The following TRMT1 variants were observed in gnomAD, a reference collection of about 807,000 sequenced individuals.
TRMT1 encodes the protein tRNA methyltransferase 1.
A neutral mutation model predicts 75.4 loss-of-function variants in TRMT1; 63 were observed. That is an observed-to-expected ratio of 0.84 (90% CI 0.68 to 1.03). TRMT1 has a LOEUF of 1.03. TRMT1 is among the 50% of genes least tolerant of loss of function. TRMT1 has a pLI of 0.00. For missense variants in TRMT1, 870 were observed against 905.3 expected, an observed-to-expected ratio of 0.96 and a Z score of 0.50; for synonymous variants, 382 against 358.1, an observed-to-expected ratio of 1.07 and a Z score of -0.75.
Position 13,116,278 on chromosome 19 carries a change from G to C in TRMT1, c.122C>G (p.Thr41Ser). 6.2e-7 allele frequency: 1 copy of C among 1,614,168 alleles called. No individual in the cohort carries two copies. The highest frequency in any genetic ancestry group is 1.1e-5 in the South Asian group (1 of 91,080). The change falls in exon 2 of 17, where the codon ACC (threonine) becomes AGC (serine). Residue 41 changes from threonine to serine, a missense_variant. Thr to Ser is a moderately conservative substitution (Grantham distance 58). Coordinates refer to ENST00000357720, the MANE Select transcript of TRMT1 (RefSeq NM_001136035.4). The stretch of plus-strand genomic sequence containing the variant: ...TGGACGTTCTTCTCCGTAGGGCCCG[G>C]TGCCGTTCTCCATCGCTGCTGTATT... ...LPNTAAMENG[T>S]GPYGEERPRE...
chr19:13,105,442 C>CT, intron 15 of TRMT1, 45 bp downstream of exon 15: 1 of 1,613,910 alleles, frequency 6.2e-7, no homozygotes. Context: ...CCCTTTACCC[C>CT]TTCTTTCCCT....
At chr19:13,116,458 A>T in intron 1 of TRMT1, 27 bp from the exon 2 acceptor site, 2 of 1,544,248 alleles carry the variant, frequency 1.3e-6, no homozygotes, top group Non-Finnish European at 1.7e-6. Context: ...GGGAGGGCAC[A>T]GAGAGGGTCA....
Position 13,110,317 on chromosome 19 carries a change from G to A in TRMT1, c.871-11C>T, listed in dbSNP as rs764060702. Reference sequence around the variant, plus strand: ...GACGATTCTCAGGGCCTGGGGGTGGGGGGTGGGTGTCAGCCTCCCCTCCAC... The same window carrying A: ...GACGATTCTCAGGGCCTGGGGGTGGAGGGTGGGTGTCAGCCTCCCCTCCAC... On this transcript the variant is annotated splice_polypyrimidine_tract_variant and intron_variant, in intron 7 of 16. Coordinates refer to ENST00000357720, the MANE Select transcript of TRMT1 (RefSeq NM_001136035.4). 4 of 807,970 alleles carry A rather than the reference G, an allele frequency of 5.0e-6. No homozygotes were observed. The East Asian group carries it at 1.1e-4, about 22-fold the overall frequency. The allele number at this position is 807,970 out of a possible 1,614,324, so 50.1% of individuals were successfully genotyped here. A position where few individuals can be genotyped will look rare whatever the true frequency, so the allele number is the denominator to read the frequency against.
rs866460103 is a variant in TRMT1, at chr19:13,112,833, G to A, written c.758-16C>T. ...CACAGCAACCCTGCAGAGAGGGGCT[G>A]GGCAGTGAGAACCCTCCAACACCCC... On this transcript the variant is annotated splice_polypyrimidine_tract_variant and intron_variant, in intron 6 of 16. Transcript: ENST00000357720. The A allele has an allele frequency of 1.9e-6, 3 of 1,614,046 alleles. No individual in the cohort carries two copies. Among genetic ancestry groups the A allele is most frequent in the East Asian group, 2.2e-5 (1 of 44,894 alleles).
chr19:13,105,762 TAA>T (rs2018840254), intron 14 of TRMT1, among the ~76,000 whole-genome samples, 156 bp from the exon 15 acceptor site: 1 of 152,156 alleles, frequency 6.6e-6, no homozygotes, highest in Non-Finnish European at 1.5e-5. Flanking sequence ...TTGGTTTTTT[TAA>T]AGAGATGGGG....
Position 13,109,773 on chromosome 19 carries a change from T to C in TRMT1, c.1172A>G (p.His391Arg). The C allele has an allele frequency of 6.2e-7, 1 of 1,614,060 alleles. No homozygotes were observed. The highest frequency in any genetic ancestry group is 8.5e-7 in the Non-Finnish European group (1 of 1,180,008). Residue 391 changes from histidine to arginine, a missense_variant, in exon 10 of 17, where the codon CAC (histidine) becomes CGC (arginine). His to Arg is a conservative substitution (Grantham distance 29). Transcript: ENST00000357720. ...TPECEHCGQR[H>R]QLGGPMWAEP... ...CCTCCCCTGGCCTAGCCCTACCTGG[T>C]GTCGTTGCCCACAGTGTTCACACTC...
chr19:13,116,581 G>A, intron 1 of TRMT1, 72 bp downstream of exon 1: 1 of 865,036 alleles, frequency 1.2e-6, no homozygotes, highest in South Asian at 1.8e-5. Context: ...ACTGGTCCCT[G>A]TGGAGCCGAT....
At position 13,107,595 on chromosome 19, in the gene TRMT1, C is replaced by T. The variant is rs761298127; in HGVS notation, c.1562G>A (p.Arg521His). The T allele has an allele frequency of 8.7e-6, 14 of 1,606,230 alleles. No individual in the cohort carries two copies. In the South Asian group the frequency reaches 1.1e-4, roughly 13 times the overall value. The change falls in exon 14 of 17, where the codon CGC becomes CAC. Residue 521 changes from arginine (R) to histidine (H), a missense_variant. Transcript: ENST00000357720. ...ERLSETSPAF[R>H]ILSVEPRLQA... ...CTACCTGGGCTCCACACTGAGAATG[C>T]GGAACGCTGGGCTAGTCTCTGATAG...
chr19:13,110,395 G>C, intron 7 of TRMT1, 89 bp from the exon 8 acceptor site: 1 of 1,422,556 alleles, frequency 7.0e-7, no homozygotes, highest in Non-Finnish European at 9.3e-7. Context: ...TACAGGCTCA[G>C]GGCCAGCTCC....
At chr19:13,108,174 A>G (rs2018971093) in intron 12 of TRMT1, among the ~76,000 whole-genome samples, 1 of 151,458 alleles carries the variant, frequency 6.6e-6, no homozygotes, top group Non-Finnish European at 1.5e-5. Context: ...TATTTTTAGT[A>G]GAGACAGGGT....
rs199649364 is a variant in TRMT1, at chr19:13,109,948, C to T, written c.1073G>A (p.Arg358His). ...CVGCGAFHLQ[R>H]LGKASGVPSG... The stretch of plus-strand genomic sequence containing the variant: ...GGGGACTCCTGACGCTTTGCCGAGA[C>T]GCTGAAGGTGGAAGGCCCCGCAGCC... Residue 358 changes from arginine to histidine, a missense_variant, in exon 9 of 17, where the codon CGT becomes CAT. Transcript: ENST00000357720. 49 of 1,613,950 alleles carry T rather than the reference C, an allele frequency of 3.0e-5. No individual in the cohort carries two copies. The East Asian group carries it at 5.3e-4, about 18-fold the overall frequency.
In TRMT1 at chr19:13,107,439, C is replaced by T. The variant is rs1023201586; in HGVS notation, c.1583+135G>A. The T allele has an allele frequency of 2.7e-6, 3 of 1,113,568 alleles. No individual in the cohort carries two copies. The African/African-American group carries it at 4.6e-5, about 17-fold the overall frequency. The allele number at this position is 1,113,568 out of a possible 1,614,324, so 69.0% of individuals were successfully genotyped here. On this transcript the variant is annotated intron_variant, in intron 14 of 16. Transcript: ENST00000357720. ...ACAGGCGTGAGCCACCTACCCAGCC[C>T]CAGTCAGCAGATTTTGAATCTCACT... is the stretch of plus-strand genomic sequence containing the variant.
chr19:13,111,617 T>C (rs956968888), intron 7 of TRMT1, among the ~76,000 whole-genome samples: 11 of 150,744 alleles, frequency 7.3e-5, no homozygotes, highest in African/African-American at 2.7e-4. Context: ...AGGGTGCTCT[T>C]GAACACCTGA....
Position 13,107,604 on chromosome 19 carries a change from G to A in TRMT1, c.1553C>T (p.Pro518Leu). The part of the protein sequence containing the change: ...VKRERLSETS[P>L]AFRILSVEPR... The stretch of plus-strand genomic sequence containing the variant: ...CTCCACACTGAGAATGCGGAACGCT[G>A]GGCTAGTCTCTGATAGTCGCTCCCG... Residue 518 changes from proline (P) to leucine (L), a missense_variant, in exon 14 of 17, where the codon CCA becomes CTA. Coordinates refer to ENST00000357720, the MANE Select transcript of TRMT1 (RefSeq NM_001136035.4). The A allele has an allele frequency of 1.9e-6, 3 of 1,608,456 alleles. No individual in the cohort carries two copies. Among genetic ancestry groups the A allele is most frequent in the East Asian group, 2.2e-5 (1 of 44,790 alleles).
At position 13,105,474 on chromosome 19, in the gene TRMT1, T is replaced by TA; in HGVS notation, c.1703+12dup. 1 of 1,613,928 alleles carries TA rather than the reference T, an allele frequency of 6.2e-7. No homozygotes were observed. The highest frequency in any genetic ancestry group is 8.5e-7 in the Non-Finnish European group (1 of 1,180,002). Reference sequence around the variant, plus strand: ...CCCTGGCTGAGCCCCACCCCCACCTTACCACCACTCACCCTGGCCGGGCAC... The same window carrying TA: ...CCCTGGCTGAGCCCCACCCCCACCTTAACCACCACTCACCCTGGCCGGGCAC... On this transcript the variant is annotated intron_variant, in intron 15 of 16. Transcript: ENST00000357720.
At chr19:13,115,888 G>C (rs1365024664) in intron 3 of TRMT1, 109 bp downstream of exon 3, 2 of 1,607,432 alleles carry the variant, frequency 1.2e-6, no homozygotes, top group African/African-American at 1.3e-5. Context: ...GCAGAACCCA[G>C]GGCCTGCTAT....
At chr19:13,112,615 G>A (rs987283740) in intron 7 of TRMT1, 90 bp downstream of exon 7, 4 of 1,286,160 alleles carry the variant, frequency 3.1e-6, no homozygotes, top group East Asian at 2.3e-5. Flanking sequence ...AAGCTGAGCA[G>A]GTCTGAGGAG....
intron 7 of TRMT1, 121 bp from the exon 8 acceptor site, chr19:13,110,427 G>GA (rs2145586431): frequency 2.5e-6 from 3 of 1,209,314 alleles, no homozygotes; most frequent in South Asian, 3.2e-5. Context: ...GCCCACCCCT[G>GA]AAAGTCCTGG....
In TRMT1 at chr19:13,115,995, A is replaced by C. The variant is rs780809024; in HGVS notation, c.310+2T>G. 1 of 1,613,494 alleles carries C rather than the reference A, an allele frequency of 6.2e-7. No homozygotes were observed. Among genetic ancestry groups the C allele is most frequent in the Non-Finnish European group, 8.5e-7 (1 of 1,179,902 alleles). ...CCACCAGAAGCCTGGACCTCCACTC[A>C]CTCTGGATTCCTTTGGCCCCAAGCT... is the stretch of plus-strand genomic sequence containing the variant. On this transcript the variant is annotated splice_donor_variant, in intron 3 of 16. Transcript: ENST00000357720. LOFTEE classifies it high-confidence loss of function.
Sources: gnomAD v4.1 joint callset for allele counts (sites outside exome capture counted in the v4.1 genomes callset) on GRCh38, gnomAD v4.1.1 for gene constraint, MANE v1.5 for transcripts, NCBI Gene and HGNC (gene_info 2026-07-23, HGNC 2026-07-21) for gene names.